Variants in PISD observed in about 807,000 individuals in gnomAD.
PISD encodes the protein phosphatidylserine decarboxylase proenzyme, mitochondrial.
Under a neutral mutation model 43.5 loss-of-function variants are expected in PISD, and 31 were observed. The ratio of observed to expected loss-of-function variants is 0.71; its 90% CI spans 0.54 to 0.96. The LOEUF (loss-of-function observed/expected upper bound fraction) is 0.96. Among genes scored for constraint, PISD ranks in the 40% least tolerant of loss-of-function variants. The pLI, the probability that PISD is intolerant of heterozygous loss-of-function variation, is 0.00. For synonymous variants in PISD, 259 were observed against 228.7 expected (o/e 1.13, Z -1.20); for missense variants, 523 against 548.4 (o/e 0.95, Z 0.46).
intron 3 of PISD, chr22:31,638,799 C>A: frequency 6.6e-6 from 1 of 151,874 alleles, no homozygotes; most frequent in Non-Finnish European, 1.4e-5. Context: ...TTTTTCTTTT[C>A]TTTTCCATTT....
chr22:31,627,546 G>C (rs1463624152), intron 3 of PISD, among the ~76,000 whole-genome samples: 1 of 152,228 alleles, frequency 6.6e-6, no homozygotes, highest in African/African-American at 2.4e-5. Context: ...GGGTGAGCCT[G>C]GTGCCTGGTT....
At chr22:31,628,768 A>C in intron 3 of PISD, 1 of 937,990 alleles carries the variant, frequency 1.1e-6, no homozygotes, top group Non-Finnish European at 1.3e-6. Flanking sequence ...GCACAGCTGC[A>C]ACCATGGCCC....
At position 31,619,526 on chromosome 22, in the gene PISD, T is replaced by G. The variant is rs760252426; in HGVS notation, c.*86A>C. ...AACCACGCTGAGGCAGGCCCTTACCTGGATGGCCTCATGGGCCTCCCTCTT... is the reference window on the plus strand; with the variant it reads ...AACCACGCTGAGGCAGGCCCTTACCGGGATGGCCTCATGGGCCTCCCTCTT... On this transcript the variant is annotated 3_prime_UTR_variant, in exon 8 of 8. Coordinates refer to ENST00000439502, the MANE Select transcript of PISD (RefSeq NM_001326411.2). The G allele has an allele frequency of 4.0e-5, 43 of 1,076,586 alleles. No homozygotes were observed. The highest frequency in any genetic ancestry group is 6.6e-5 in the South Asian group (5 of 75,840). 66.7% of individuals were successfully genotyped at this position (1,076,586 alleles called of 1,614,324 possible).
chr22:31,622,316 C>T (rs1259943807), intron 3 of PISD, among the ~76,000 whole-genome samples: 2 of 152,226 alleles, frequency 1.3e-5, no homozygotes, highest in African/African-American at 4.8e-5. Flanking sequence ...TCCCAGACCA[C>T]CAAAGGAGGA....
chr22:31,645,484 C>A (rs1005090435), intron 3 of PISD, among the ~76,000 whole-genome samples: 3 of 151,118 alleles, frequency 2.0e-5, no homozygotes, highest in Admixed American at 6.6e-5. Context: ...GTGGGCGGAT[C>A]ACCTGAGGTC....
chr22:31,622,290 G>A (rs115497585), intron 3 of PISD, among the ~76,000 whole-genome samples: 3,206 of 152,280 alleles, frequency 0.021, 106 homozygotes, highest in African/African-American at 0.072. Context: ...CATCTTGCCC[G>A]TGGTCACTGC....
intron 5 of PISD, 88 bp downstream of exon 5, chr22:31,621,246 G>T: frequency 6.2e-7 from 1 of 1,608,912 alleles, no homozygotes; most frequent in Non-Finnish European, 8.5e-7. Flanking sequence ...CCACATGCCA[G>T]CCTCAGTTCC....
chr22:31,633,631 C>T (rs1487819851), intron 3 of PISD, among the ~76,000 whole-genome samples: 1 of 152,154 alleles, frequency 6.6e-6, no homozygotes, highest in Non-Finnish European at 1.5e-5. Context: ...AGGAGAATGG[C>T]GTGAACCCAG....
Position 31,619,847 on chromosome 22 carries a change from A to G in PISD, c.1006-11T>C. On this transcript the variant is annotated splice_polypyrimidine_tract_variant and intron_variant, in intron 7 of 7. Coordinates refer to ENST00000439502, the MANE Select transcript of PISD (RefSeq NM_001326411.2). Reference sequence around the variant, plus strand: ...GTTTGTGTGCAGGTCCTGTGGTGATAGGCTGGGGGTCAGTGGGGCCCAGGC... The same window carrying G: ...GTTTGTGTGCAGGTCCTGTGGTGATGGGCTGGGGGTCAGTGGGGCCCAGGC... The G allele has an allele frequency of 1.3e-6, 2 of 1,597,608 alleles. No individual in the cohort carries two copies. The highest frequency in any genetic ancestry group is 1.7e-6 in the Non-Finnish European group (2 of 1,167,122).
intron 1 of PISD, among the ~76,000 whole-genome samples, chr22:31,653,905 C>T (rs1372376608): frequency 1.3e-5 from 2 of 152,168 alleles, no homozygotes; most frequent in East Asian, 1.9e-4. Context: ...AATCTTATTA[C>T]GGGATCGTCC....
chr22:31,658,871 T>G (rs1181887825), intron 1 of PISD, among the ~76,000 whole-genome samples: 1 of 149,686 alleles, frequency 6.7e-6, no homozygotes, highest in Admixed American at 6.7e-5. Context: ...TTTTTTTTTT[T>G]GAGACAGGGT....
rs1002303947 is a variant in PISD at position 31,619,097 on chromosome 22, T to C, written c.*515A>G. ...TTTCTAAAGAGCAGGATGAGGTGAA[T>C]GTGGGAACGGAAAGCAGTTGTCACG... On this transcript the variant is annotated 3_prime_UTR_variant, in exon 8 of 8. Transcript: ENST00000439502. The C allele has an allele frequency of 4.1e-6, 1 of 246,248 alleles. No individual in the cohort carries two copies. The highest frequency in any genetic ancestry group is 8.1e-6 in the Non-Finnish European group (1 of 123,032). 15.3% of individuals were successfully genotyped at this position (246,248 alleles called of 1,614,324 possible). A position where few individuals can be genotyped will look rare whatever the true frequency, so the allele number is the denominator to read the frequency against.
At chr22:31,625,597 G>C in intron 3 of PISD, 2 of 783,574 alleles carry the variant, frequency 2.6e-6, no homozygotes, top group Non-Finnish European at 4.1e-6. Context: ...CGGGCTCTCC[G>C]ACTCAGGGTG....
chr22:31,642,333 A>G (rs1279077614), intron 3 of PISD, among the ~76,000 whole-genome samples: 1 of 150,864 alleles, frequency 6.6e-6, no homozygotes, highest in African/African-American at 2.5e-5. Context: ...CCTGTGCACC[A>G]TGTCCCAGCT....
intron 1 of PISD, 83 bp from the exon 2 acceptor site, chr22:31,650,861 A>C (rs886997284): frequency 8.9e-6 from 7 of 788,220 alleles, no homozygotes; most frequent in Non-Finnish European, 1.3e-5. Context: ...TAAACACTCA[A>C]TAACAATATT....
chr22:31,656,652 A>G (rs1320405560), intron 1 of PISD, among the ~76,000 whole-genome samples: 1 of 133,780 alleles, frequency 7.5e-6, no homozygotes, highest in East Asian at 2.0e-4. Flanking sequence ...CGTCTCAAAA[A>G]TAAATAAATA....
At chr22:31,643,739 A>G (rs2073802879) in intron 3 of PISD, among the ~76,000 whole-genome samples, 1 of 152,120 alleles carries the variant, frequency 6.6e-6, no homozygotes, top group Non-Finnish European at 1.5e-5. Context: ...GTGAAACCCC[A>G]TCTCTACAAA....
chr22:31,634,834 CA>C (rs33999998), intron 3 of PISD, among the ~76,000 whole-genome samples: 7,605 of 80,874 alleles, frequency 0.094, 186 homozygotes, highest in Admixed American at 0.16. Context: ...GACTCCATCT[CA>C]AAAAAAAAAA....
At chr22:31,652,251 C>A (rs1053976876) in intron 1 of PISD, among the ~76,000 whole-genome samples, 5 of 151,916 alleles carry the variant, frequency 3.3e-5, no homozygotes, top group Non-Finnish European at 7.4e-5. Context: ...CATGCCTCAG[C>A]CTCCTGAGTA....
Sources: gnomAD v4.1 joint callset for allele counts (sites outside exome capture counted in the v4.1 genomes callset) on GRCh38, gnomAD v4.1.1 for gene constraint, MANE v1.5 for transcripts, NCBI Gene and HGNC (gene_info 2026-07-23, HGNC 2026-07-21) for gene names.